Variants in JAKMIP3 observed in about 807,000 individuals in gnomAD.
The protein encoded by JAKMIP3 is janus kinase and microtubule-interacting protein 3.
Under a neutral mutation model 118.5 loss-of-function variants are expected in JAKMIP3, and 58 were observed. That is an observed-to-expected ratio of 0.49 (90% CI 0.40 to 0.61). The LOEUF (loss-of-function observed/expected upper bound fraction) is 0.61, where lower values mean the gene tolerates loss of function less well. Among genes scored for constraint, JAKMIP3 ranks in the 20% least tolerant of loss-of-function variants. The pLI is 0.00. For missense variants in JAKMIP3, 950 were observed against 1,109.0 expected (o/e 0.86, Z 2.04); for synonymous variants, 486 against 451.2 (o/e 1.08, Z -0.98).
At chr10:132,176,587 C>G (rs1210555803) in intron 23 of JAKMIP3, among the ~76,000 whole-genome samples, 1 of 152,196 alleles carries the variant, frequency 6.6e-6, no homozygotes, top group Non-Finnish European at 1.5e-5. Flanking sequence ...TTCCACAACG[C>G]AGACTACTAA....
chr10:132,131,610 A>C (rs1217846786), intron 3 of JAKMIP3, among the ~76,000 whole-genome samples: 1 of 151,996 alleles, frequency 6.6e-6, no homozygotes, highest in Non-Finnish European at 1.5e-5. Context: ...TGAGTGGAGC[A>C]GCTTGGGTAG....
At chr10:132,045,006 G>A (rs754817712) in intron 1 of JAKMIP3, among the ~76,000 whole-genome samples, 1 of 152,108 alleles carries the variant, frequency 6.6e-6, no homozygotes, top group Non-Finnish European at 1.5e-5. Flanking sequence ...GTGGACACTG[G>A]GGGGCTCCAT....
At chr10:132,165,261 C>T (rs2058776929) in intron 21 of JAKMIP3, among the ~76,000 whole-genome samples, 2 of 152,302 alleles carry the variant, frequency 1.3e-5, no homozygotes, top group South Asian at 4.1e-4. Context: ...GTCAGGGCTG[C>T]TCTGTCCATG....
Position 132,112,457 on chromosome 10 carries a change from C to A in JAKMIP3, c.136-4620C>A, listed in dbSNP as rs575567379. Among the ~76,000 whole-genome samples the A allele has an allele frequency of 6.6e-6, 1 of 152,166 alleles. No homozygotes were observed. Among genetic ancestry groups the A allele is most frequent in the Admixed American group, 6.5e-5 (1 of 15,274 alleles). On this transcript the variant is annotated intron_variant, in intron 2 of 23. Transcript: ENST00000684848. This position sits in a 1 kb window ranked among gnomAD's most constrained non-coding sequence, Gnocchi z 4.3. ...TGCCTGCTTCCAGAACATTCCATCC[C>A]GCCTCTGTTCTTTCGGGCTGTTAGG...
chr10:132,078,638 C>T (rs1380256376), intron 1 of JAKMIP3, among the ~76,000 whole-genome samples: 11 of 151,100 alleles, frequency 7.3e-5, no homozygotes, highest in Non-Finnish European at 1.2e-4. Flanking sequence ...GGGGGGGTCC[C>T]GTTTCTGGCC....
intron 13 of JAKMIP3, among the ~76,000 whole-genome samples, chr10:132,145,812 C>T (rs897742247): frequency 4.6e-5 from 7 of 152,280 alleles, no homozygotes; most frequent in East Asian, 1.9e-4. Flanking sequence ...CTCCTGGGTC[C>T]GGGCAGGCCC....
In JAKMIP3 at chr10:132,145,151, G is replaced by A; in HGVS notation, c.1647G>A (p.Arg549=). The A allele has an allele frequency of 6.2e-7, 1 of 1,612,468 alleles. No individual in the cohort carries two copies. Among genetic ancestry groups the A allele is most frequent in the Non-Finnish European group, 8.5e-7 (1 of 1,179,742 alleles). ...LQAEVQRAQA[R]IEDLEKALAE... ...CCGAAGTGCAGAGGGCACAGGCGCG[G>A]ATAGAGGACCTGGAGAAGGCCCTGG... The change falls in exon 12 of 24, where the codon CGG becomes CGA. Residue 549 remains arginine, a synonymous_variant. Coordinates refer to ENST00000684848, the MANE Select transcript of JAKMIP3 (RefSeq NM_001323087.2).
At chr10:132,070,756 T>C (rs544697599) in intron 1 of JAKMIP3, among the ~76,000 whole-genome samples, 22 of 152,306 alleles carry the variant, frequency 1.4e-4, no homozygotes, top group African/African-American at 5.1e-4. Context: ...GATCTGGGCA[T>C]GGTGGCACAT....
At chr10:132,060,625 T>C (rs1005760547), upstream of JAKMIP3, among the ~76,000 whole-genome samples, 14 of 152,102 alleles carry the variant, frequency 9.2e-5, no homozygotes, top group African/African-American at 3.1e-4. Context: ...TTTCGTGTCA[T>C]GGAAAACCTA....
chr10:132,084,187 C>T (rs2379223), intron 1 of JAKMIP3, among the ~76,000 whole-genome samples: 40,913 of 151,684 alleles, frequency 0.27, 5,656 homozygotes, highest in Middle Eastern at 0.41. Context: ...TGTGTTTCCA[C>T]TCGTTTGTGT....
In JAKMIP3 at chr10:132,142,051, C is replaced by A; in HGVS notation, c.1602+3C>A. On this transcript the variant is annotated splice_donor_region_variant and intron_variant, in intron 11 of 23. Transcript: ENST00000684848. ...TGGACGCAGAGCGAGAAGTTAAGGT[C>A]TACGTGACTTCCACCGCGCGTTCCG... is the stretch of plus-strand genomic sequence containing the variant. 1 of 1,573,964 alleles carries A rather than the reference C, an allele frequency of 6.4e-7. No individual in the cohort carries two copies. Among genetic ancestry groups the A allele is most frequent in the South Asian group, 1.1e-5 (1 of 88,734 alleles).
At chr10:132,110,004 G>A (rs1320139256) in intron 2 of JAKMIP3, among the ~76,000 whole-genome samples, 1 of 152,226 alleles carries the variant, frequency 6.6e-6, no homozygotes, top group African/African-American at 2.4e-5. Flanking sequence ...ACAGGATTCT[G>A]TAACTAGGCC....
chr10:132,117,600 TGGGCGAGGGTGCA>T lies in JAKMIP3; in HGVS notation c.633+30_633+42del. The T allele has an allele frequency of 1.2e-6, 1 of 809,724 alleles. No homozygotes were observed. Among genetic ancestry groups the T allele is most frequent in the Non-Finnish European group, 1.6e-6 (1 of 638,452 alleles). The allele number at this position is 809,724 out of a possible 1,614,324, so 50.2% of individuals were successfully genotyped here. On this transcript the variant is annotated intron_variant, in intron 3 of 23. Transcript: ENST00000684848. This position sits in a 1 kb window ranked among gnomAD's most constrained non-coding sequence, Gnocchi z 8.6. Reference sequence around the variant, plus strand: ...GTACGTGGGCAGGCAGGGGCGGGCGTGGGCGAGGGTGCAGGGGCGGGCGTGGGCGAGGGTGCAG... The same window carrying T: ...GTACGTGGGCAGGCAGGGGCGGGCGTGGGGCGGGCGTGGGCGAGGGTGCAG...
chr10:132,159,381 G>GGGGC (rs1564980928), intron 19 of JAKMIP3, among the ~76,000 whole-genome samples: 1 of 74,904 alleles, frequency 1.3e-5, no homozygotes. Flanking sequence ...GTTGGGGGGG[G>GGGGC]TCTATTCCTG....
chr10:132,119,360 G>T (rs926153388), intron 3 of JAKMIP3, among the ~76,000 whole-genome samples: 2 of 152,136 alleles, frequency 1.3e-5, no homozygotes, highest in African/African-American at 4.8e-5. Flanking sequence ...TTCCCTTTAG[G>T]ATTGGTACTC....
intron 1 of JAKMIP3, among the ~76,000 whole-genome samples, chr10:132,083,505 C>A (rs948239534): frequency 6.6e-6 from 1 of 152,012 alleles, no homozygotes; most frequent in African/African-American, 2.4e-5. Flanking sequence ...ACTGACTGTT[C>A]CTTTTGCTAT....
At chr10:132,132,224 C>A (rs1179246270) in intron 3 of JAKMIP3, among the ~76,000 whole-genome samples, 1 of 152,222 alleles carries the variant, frequency 6.6e-6, no homozygotes, top group Non-Finnish European at 1.5e-5. Flanking sequence ...TCAGCAATAG[C>A]AGATTTATTA....
chr10:132,180,602 C>CGT (rs1395185618), intron 23 of JAKMIP3, among the ~76,000 whole-genome samples: 157 of 12,058 alleles, frequency 0.013, 22 homozygotes, highest in African/African-American at 0.037. Context: ...TGTGTGCGTG[C>CGT]GCGTGTGTGT....
intron 1 of JAKMIP3, among the ~76,000 whole-genome samples, chr10:132,042,921 G>T: frequency 1.7e-5 from 1 of 59,120 alleles, no homozygotes. Flanking sequence ...AAGACCCCAT[G>T]TCTCAAAAAA....
Sources: gnomAD v4.1 joint callset for allele counts (sites outside exome capture counted in the v4.1 genomes callset) on GRCh38, gnomAD v4.1.1 for gene constraint, Gnocchi (gnomAD v3.1) non-coding constraint, MANE v1.5 for transcripts, NCBI Gene and HGNC (gene_info 2026-07-23, HGNC 2026-07-21) for gene names.